DNAH11: variants seen among roughly 807,000 people sequenced by gnomAD.
DNAH11 encodes dynein axonemal heavy chain 11.
Under a neutral mutation model 526.0 loss-of-function variants are expected in DNAH11, and 442 were observed. The observed-to-expected ratio is 0.84, with a 90% CI of 0.78 to 0.91. DNAH11 has a LOEUF of 0.91. Among genes scored for constraint, DNAH11 ranks in the 40% least tolerant of loss-of-function variants. DNAH11 has a pLI of 0.00. For missense variants in DNAH11, 6,989 were observed against 5,448.7 expected, an observed-to-expected ratio of 1.28 and a Z score of -8.90; for synonymous variants, 2,461 against 1,935.9, an observed-to-expected ratio of 1.27 and a Z score of -7.12.
rs147865931 is a variant in DNAH11 at position 21,739,553 on chromosome 7, C to G, written c.7812-18C>G. The G allele has an allele frequency of 1.3e-3, 2,058 of 1,600,562 alleles. 23 individuals are homozygous for G. In the African/African-American group the frequency reaches 0.025, roughly 19 times the overall value. On this transcript the variant is annotated intron_variant, in intron 47 of 81. Transcript: ENST00000409508. ...ATCTCCAGTTTTTGGATTTAAGGTT[C>G]TGTTTTCTGTCTTTCAGGTATGATA...
intron 7 of DNAH11, among the ~76,000 whole-genome samples, 152 bp from the exon 8 acceptor site, chr7:21,571,654 A>C (rs1300412232): frequency 1.3e-5 from 2 of 152,212 alleles, no homozygotes; most frequent in East Asian, 3.8e-4. Flanking sequence ...GTTTAATTAA[A>C]TACTTATTTC....
chr7:21,888,531 C>T (rs1784213139), intron 76 of DNAH11, among the ~76,000 whole-genome samples: 1 of 152,028 alleles, frequency 6.6e-6, no homozygotes, highest in African/African-American at 2.4e-5. Context: ...GTTCTGTCGC[C>T]CAGGCTGGAG....
chr7:21,784,604 A>C, intron 58 of DNAH11, 64 bp downstream of exon 58: 2 of 1,205,424 alleles, frequency 1.7e-6, no homozygotes, highest in Non-Finnish European at 1.1e-6. Context: ...TTAGAGTTTG[A>C]ATAACTGAGC....
At chr7:21,553,571 A>C (rs1336789001) in intron 2 of DNAH11, among the ~76,000 whole-genome samples, 1 of 152,076 alleles carries the variant, frequency 6.6e-6, no homozygotes, top group African/African-American at 2.4e-5. Context: ...AACTCCCCCC[A>C]CAGTCTTCAT....
chr7:21,886,501 CAGAG>C (rs1203725663), intron 76 of DNAH11, among the ~76,000 whole-genome samples: 2 of 152,112 alleles, frequency 1.3e-5, no homozygotes, highest in African/African-American at 2.4e-5. Context: ...TTTCACATGT[CAGAG>C]AGAGACTTCC....
intron 14 of DNAH11, among the ~76,000 whole-genome samples, chr7:21,595,063 T>C (rs1020197092): frequency 1.3e-5 from 2 of 152,172 alleles, no homozygotes; most frequent in Admixed American, 6.5e-5. Context: ...CAGGCTGATA[T>C]AGCAAAATAC....
At chr7:21,900,919 G>C in intron 81 of DNAH11, 88 bp from the exon 82 acceptor site, 2 of 1,446,244 alleles carry the variant, frequency 1.4e-6, no homozygotes, top group South Asian at 1.5e-5. Context: ...CCAGAATGTT[G>C]AATGTTTATT....
At chr7:21,665,373 G>A (rs774548723) in intron 30 of DNAH11, among the ~76,000 whole-genome samples, 1 of 152,060 alleles carries the variant, frequency 6.6e-6, no homozygotes, top group Admixed American at 6.6e-5. Flanking sequence ...ATACTGCAAG[G>A]AACAGCCTTG....
At chr7:21,886,784 C>A (rs946488566) in intron 76 of DNAH11, among the ~76,000 whole-genome samples, 2 of 152,138 alleles carry the variant, frequency 1.3e-5, no homozygotes, top group Admixed American at 1.3e-4. Context: ...GGTGATGAAA[C>A]CTGAAGGGGC....
chr7:21,721,463 G>C (rs902070308), intron 44 of DNAH11, among the ~76,000 whole-genome samples: 1 of 152,046 alleles, frequency 6.6e-6, no homozygotes, highest in Non-Finnish European at 1.5e-5. Flanking sequence ...CCACAAATTG[G>C]GTGACTTAAG....
chr7:21,841,265 A>G (rs1291638356), intron 65 of DNAH11, among the ~76,000 whole-genome samples: 1 of 152,224 alleles, frequency 6.6e-6, no homozygotes. Context: ...TTTAAGATAC[A>G]TAAGTATATT....
At chr7:21,590,300 C>T (rs1318625290) in intron 12 of DNAH11, among the ~76,000 whole-genome samples, 6 of 152,132 alleles carry the variant, frequency 3.9e-5, no homozygotes, top group African/African-American at 1.4e-4. Flanking sequence ...AGATATGAGA[C>T]ATAAAATAAG....
At chr7:21,778,389 G>T (rs1787775706) in intron 56 of DNAH11, among the ~76,000 whole-genome samples, 1 of 152,070 alleles carries the variant, frequency 6.6e-6, no homozygotes, top group Non-Finnish European at 1.5e-5. Flanking sequence ...TATTGGGTTA[G>T]CTTCATGATC....
chr7:21,599,499 A>T (rs1056338366), intron 14 of DNAH11, among the ~76,000 whole-genome samples: 1 of 152,244 alleles, frequency 6.6e-6, no homozygotes, highest in African/African-American at 2.4e-5. Context: ...AATGTCTAGA[A>T]TTCACTGGGA....
intron 25 of DNAH11, among the ~76,000 whole-genome samples, chr7:21,627,625 C>A (rs1022064239): frequency 6.6e-6 from 1 of 152,062 alleles, no homozygotes; most frequent in African/African-American, 2.4e-5. Flanking sequence ...CTATTCTGTT[C>A]CATTGGTCTC....
intron 45 of DNAH11, among the ~76,000 whole-genome samples, chr7:21,730,632 T>A (rs943139096): frequency 2.0e-5 from 3 of 152,148 alleles, no homozygotes; most frequent in African/African-American, 7.2e-5. Context: ...ACTTGTGAAA[T>A]TTTAAAAGTT....
rs6964457 is a variant in DNAH11 at position 21,836,862 on chromosome 7, A to G, written c.10692-5682A>G. 9.9e-3 allele frequency among the ~76,000 whole-genome samples: 1,510 copies of G among 152,272 alleles called. 25 individuals are homozygous for G. Among genetic ancestry groups the G allele is most frequent in the African/African-American group, 0.034 (1,418 of 41,560 alleles). On this transcript the variant is annotated intron_variant, in intron 65 of 81. Coordinates refer to ENST00000409508, the MANE Select transcript of DNAH11 (RefSeq NM_001277115.2). ...ATATGCCTCTGACAGTCAAGAGCTT[A>G]ATATCTAGAATATATAAGGAACTCA...
intron 42 of DNAH11, among the ~76,000 whole-genome samples, chr7:21,715,403 C>G (rs1301606832): frequency 6.6e-6 from 1 of 152,182 alleles, no homozygotes; most frequent in African/African-American, 2.4e-5. Context: ...TGGAAAGCCA[C>G]AATTCTCTGT....
chr7:21,590,301 A>G (rs1362055319), intron 12 of DNAH11, among the ~76,000 whole-genome samples: 3 of 152,232 alleles, frequency 2.0e-5, no homozygotes, highest in East Asian at 1.9e-4. Flanking sequence ...GATATGAGAC[A>G]TAAAATAAGC....
Sources: allele counts gnomAD v4.1 joint callset (sites outside exome capture counted in the v4.1 genomes callset), GRCh38; gene constraint gnomAD v4.1.1; transcripts MANE v1.5; gene names NCBI Gene and HGNC (gene_info 2026-07-23, HGNC 2026-07-21).